Variants in ARK2C observed in about 807,000 individuals in gnomAD.
ARK2C encodes E3 ubiquitin-protein ligase ARK2C.
At chr18:46,445,475 C>T in the ARK2C span, among the ~76,000 whole-genome samples, 2 of 152,124 alleles carry the variant, frequency 1.3e-5, no homozygotes, top group Admixed American at 6.5e-5. Context: ...AATTTCACCC[C>T]ATGTATGCAG....
At chr18:46,370,696 A>G in the ARK2C span, among the ~76,000 whole-genome samples, 1 of 152,142 alleles carries the variant, frequency 6.6e-6, no homozygotes, top group South Asian at 2.1e-4. Flanking sequence ...AGAATAAGAT[A>G]CCATCTCTGT....
chr18:46,454,090 G>A, the ARK2C span, among the ~76,000 whole-genome samples: 2 of 123,630 alleles, frequency 1.6e-5, no homozygotes, highest in Non-Finnish European at 3.2e-5. Context: ...TCCAGCCTGG[G>A]CAAGAGGGCA....
the ARK2C span, among the ~76,000 whole-genome samples, chr18:46,425,319 T>C: frequency 2.0e-3 from 312 of 152,314 alleles, 4 homozygotes; most frequent in African/African-American, 7.1e-3. Flanking sequence ...CTGGCAGGCC[T>C]GCAACAGGGA....
chr18:46,334,186 C>T, the ARK2C span: 1 of 871,028 alleles, frequency 1.1e-6, no homozygotes, highest in Non-Finnish European at 1.4e-6. The surrounding 1 kb of genome is among the most constrained non-coding windows in gnomAD (Gnocchi z 4.4). Flanking sequence ...GCTCCCGCAG[C>T]CCCGCCGCCG....
At chr18:46,426,238 C>CACCT in the ARK2C span, among the ~76,000 whole-genome samples, 1 of 152,194 alleles carries the variant, frequency 6.6e-6, no homozygotes, top group South Asian at 2.1e-4. Context: ...TTTCAGGAAA[C>CACCT]ACCTTGCTTC....
At chr18:46,365,607 G>T in the ARK2C span, among the ~76,000 whole-genome samples, 16 of 152,302 alleles carry the variant, frequency 1.1e-4, no homozygotes, top group Admixed American at 7.8e-4. Flanking sequence ...GGTTTCAGGC[G>T]ATTCTCATGC....
the ARK2C span, among the ~76,000 whole-genome samples, chr18:46,436,845 T>G: frequency 1.3e-5 from 2 of 152,192 alleles, no homozygotes; most frequent in Non-Finnish European, 2.9e-5. Flanking sequence ...CCCTCAGCAG[T>G]CAAGTCAATT....
the ARK2C span, among the ~76,000 whole-genome samples, chr18:46,374,230 TTTAA>T: frequency 6.6e-6 from 1 of 152,244 alleles, no homozygotes; most frequent in African/African-American, 2.4e-5. Flanking sequence ...TTTTCAATTA[TTTAA>T]TTAATGAATT....
At chr18:46,393,059 A>G in the ARK2C span, among the ~76,000 whole-genome samples, 1 of 152,138 alleles carries the variant, frequency 6.6e-6, no homozygotes, top group Non-Finnish European at 1.5e-5. Flanking sequence ...GCACACAGCT[A>G]CTTAGTGGCA....
chr18:46,354,274 G>C, the ARK2C span, among the ~76,000 whole-genome samples: 1 of 152,226 alleles, frequency 6.6e-6, no homozygotes, highest in African/African-American at 2.4e-5. Flanking sequence ...TGCTAGGCCA[G>C]GGATTGGGGG....
chr18:46,359,550 C>A, the ARK2C span, among the ~76,000 whole-genome samples: 3 of 152,152 alleles, frequency 2.0e-5, no homozygotes, highest in Non-Finnish European at 2.9e-5. Context: ...AGATAGAGAG[C>A]CAAGAGAATG....
At chr18:46,353,459 GAA>G in the ARK2C span, among the ~76,000 whole-genome samples, 1 of 152,154 alleles carries the variant, frequency 6.6e-6, no homozygotes, top group African/African-American at 2.4e-5. Flanking sequence ...CTGTGGGAGT[GAA>G]AATCTGTGTA....
the ARK2C span, among the ~76,000 whole-genome samples, chr18:46,373,243 C>T: frequency 6.6e-6 from 1 of 152,268 alleles, no homozygotes; most frequent in Non-Finnish European, 1.5e-5. Flanking sequence ...GGCTCTTGGA[C>T]TGGCATGGCT....
chr18:46,337,802 TTAC>T, the ARK2C span, among the ~76,000 whole-genome samples: 9 of 150,078 alleles, frequency 6.0e-5, no homozygotes, highest in Non-Finnish European at 1.3e-4. Context: ...TCTTTTTACT[TTAC>T]TTTTTTTTTT....
the ARK2C span, chr18:46,450,915 C>T: frequency 1.3e-6 from 1 of 742,504 alleles, no homozygotes; most frequent in East Asian, 2.7e-5. Flanking sequence ...GAAACCTTTG[C>T]TCTGGTTAGA....
At chr18:46,447,967 C>T in the ARK2C span, among the ~76,000 whole-genome samples, 1 of 144,572 alleles carries the variant, frequency 6.9e-6, no homozygotes, top group African/African-American at 2.6e-5. Flanking sequence ...CCCCTATGCC[C>T]TGACTCCCCT....
the ARK2C span, among the ~76,000 whole-genome samples, chr18:46,424,642 A>G: frequency 5.3e-5 from 8 of 152,190 alleles, 1 homozygote; most frequent in Admixed American, 1.3e-4. Flanking sequence ...ATAAGATGAG[A>G]GGCCTGGTCA....
the ARK2C span, chr18:46,450,515 G>C: frequency 2.2e-6 from 2 of 895,594 alleles, no homozygotes; most frequent in South Asian, 2.8e-5. Flanking sequence ...GAAGCTTCAG[G>C]GTTAAGAGTA....
At chr18:46,336,204 G>A in the ARK2C span, 1 of 985,236 alleles carries the variant, frequency 1.0e-6, no homozygotes, top group African/African-American at 1.7e-5. Context: ...ATTCAAAAAT[G>A]ATTAAGAAGG....
Sources: gnomAD v4.1 joint callset for allele counts (sites outside exome capture counted in the v4.1 genomes callset) on GRCh38, gnomAD v4.1.1 for gene constraint, Gnocchi (gnomAD v3.1) non-coding constraint, MANE v1.5 for transcripts, NCBI Gene and HGNC (gene_info 2026-07-23, HGNC 2026-07-21) for gene names.